Variants in ABTB3 observed in about 807,000 individuals in gnomAD.
ABTB3 encodes the protein ankyrin repeat- and BTB/POZ domain-containing protein 3.
chr12:107,521,264 TGTG>T, the ABTB3 span, among the ~76,000 whole-genome samples: 2 of 1,332 alleles, frequency 1.5e-3, no homozygotes, highest in African/African-American at 6.4e-3. Flanking sequence ...TCATATAAGT[TGTG>T]TGTGTGTGTG....
chr12:107,418,166 T>G, the ABTB3 span, among the ~76,000 whole-genome samples: 5 of 152,198 alleles, frequency 3.3e-5, no homozygotes, highest in Non-Finnish European at 7.3e-5. Flanking sequence ...CACCATCTAA[T>G]CAGCTGCCAT....
chr12:107,533,887 T>A, the ABTB3 span, among the ~76,000 whole-genome samples: 31 of 152,352 alleles, frequency 2.0e-4, no homozygotes, highest in African/African-American at 7.2e-4. Context: ...ACAAAGCAAG[T>A]CTTGACAAAT....
At chr12:107,353,084 T>C in the ABTB3 span, among the ~76,000 whole-genome samples, 2 of 152,320 alleles carry the variant, frequency 1.3e-5, no homozygotes, top group Admixed American at 1.3e-4. Flanking sequence ...GATGGTCATG[T>C]GGCTTAGTGG....
the ABTB3 span, among the ~76,000 whole-genome samples, chr12:107,587,774 A>G: frequency 1.3e-5 from 2 of 152,202 alleles, no homozygotes; most frequent in Non-Finnish European, 2.9e-5. Flanking sequence ...TATTTGCTGT[A>G]CATGCTTAGG....
chr12:107,582,098 C>T, the ABTB3 span, among the ~76,000 whole-genome samples: 2 of 152,140 alleles, frequency 1.3e-5, no homozygotes, highest in African/African-American at 4.8e-5. Context: ...GATTTCTGCC[C>T]TTTCAGATCT....
At chr12:107,450,061 C>G in the ABTB3 span, among the ~76,000 whole-genome samples, 411 of 152,194 alleles carry the variant, frequency 2.7e-3, no homozygotes, top group African/African-American at 9.4e-3. Flanking sequence ...TAAAACTTTG[C>G]TGTCCCAACG....
chr12:107,643,402 C>CAA, the ABTB3 span, among the ~76,000 whole-genome samples: 8,170 of 78,498 alleles, frequency 0.1, 442 homozygotes, highest in East Asian at 0.4. Flanking sequence ...GACCCTATCT[C>CAA]AAAAAAAAAA....
chr12:107,546,419 C>T, the ABTB3 span, among the ~76,000 whole-genome samples: 8 of 152,210 alleles, frequency 5.3e-5, no homozygotes, highest in African/African-American at 9.6e-5. Flanking sequence ...AAAACTGAGA[C>T]TTGACTAGCA....
chr12:107,346,737 G>A, the ABTB3 span, among the ~76,000 whole-genome samples: 4 of 152,162 alleles, frequency 2.6e-5, no homozygotes, highest in Non-Finnish European at 5.9e-5. Context: ...GGGATTACAG[G>A]CGTGAGCCAC....
the ABTB3 span, among the ~76,000 whole-genome samples, chr12:107,470,674 T>A: frequency 1.3e-5 from 2 of 152,188 alleles, no homozygotes; most frequent in African/African-American, 4.8e-5. Context: ...TTATCATGAT[T>A]GCTAATTAAA....
At chr12:107,423,740 C>T in the ABTB3 span, among the ~76,000 whole-genome samples, 2 of 152,160 alleles carry the variant, frequency 1.3e-5, no homozygotes, top group African/African-American at 4.8e-5. Flanking sequence ...AAGCTGATAC[C>T]ACTCCAGGCC....
chr12:107,443,034 C>T, the ABTB3 span, among the ~76,000 whole-genome samples: 14 of 152,194 alleles, frequency 9.2e-5, 1 homozygote, highest in South Asian at 1.7e-3. Flanking sequence ...TATTTTATAA[C>T]AGCACTAATC....
the ABTB3 span, chr12:107,649,096 A>G: frequency 1.1e-6 from 1 of 927,908 alleles, no homozygotes. Context: ...AACCATTTGG[A>G]ATGGATGTCC....
chr12:107,509,753 C>A, the ABTB3 span, among the ~76,000 whole-genome samples: 1 of 152,232 alleles, frequency 6.6e-6, no homozygotes, highest in East Asian at 1.9e-4. Context: ...AAGCCTGAAT[C>A]TGTTTCCCAC....
At chr12:107,622,525 A>G in the ABTB3 span, among the ~76,000 whole-genome samples, 1 of 152,134 alleles carries the variant, frequency 6.6e-6, no homozygotes, top group Non-Finnish European at 1.5e-5. Context: ...TCTGTCGCCC[A>G]GACTGGAGTG....
At chr12:107,469,940 T>TCTC in the ABTB3 span, among the ~76,000 whole-genome samples, 13 of 59,538 alleles carry the variant, frequency 2.2e-4, 1 homozygote, top group East Asian at 1.1e-3. Context: ...CTCTCTTTCT[T>TCTC]TCTCTTTCTT....
At chr12:107,618,456 C>G in the ABTB3 span, 1 of 1,237,688 alleles carries the variant, frequency 8.1e-7, no homozygotes, top group Non-Finnish European at 1.1e-6. Context: ...CACGCACATG[C>G]GCGCACACAT....
the ABTB3 span, among the ~76,000 whole-genome samples, chr12:107,622,106 G>T: frequency 6.6e-6 from 1 of 152,170 alleles, no homozygotes; most frequent in African/African-American, 2.4e-5. Context: ...GCTGGGCGTG[G>T]TCGTGTCTCA....
At chr12:107,593,236 A>G in the ABTB3 span, among the ~76,000 whole-genome samples, 2 of 152,322 alleles carry the variant, frequency 1.3e-5, no homozygotes, top group African/African-American at 4.8e-5. Context: ...AGTATTCTGC[A>G]GCTGCTTTCC....
Sources: allele counts gnomAD v4.1 joint callset (sites outside exome capture counted in the v4.1 genomes callset), GRCh38; gene constraint gnomAD v4.1.1; transcripts MANE v1.5; gene names NCBI Gene and HGNC (gene_info 2026-07-23, HGNC 2026-07-21).